Variants in MCM8 observed in about 807,000 individuals in gnomAD.
MCM8 encodes the protein minichromosome maintenance 8 homologous recombination repair factor.
In MCM8, 85 loss-of-function variants were observed where a neutral mutation model predicts 98.9. The observed-to-expected ratio is 0.86, with a 90% confidence interval of 0.72 to 1.03. The LOEUF (loss-of-function observed/expected upper bound fraction) is 1.03, where lower values mean the gene tolerates loss of function less well. MCM8 is among the 50% of genes least tolerant of loss of function. The pLI is 0.00. For synonymous variants in MCM8, 352 were observed against 338.6 expected, an observed-to-expected ratio of 1.04 and a Z score of -0.44; for missense variants, 951 against 997.8, an observed-to-expected ratio of 0.95 and a Z score of 0.63.
chr20:5,983,062 G>A lies in MCM8; in HGVS notation c.1630G>A (p.Ala544Thr). 1 of 1,614,118 alleles carries A rather than the reference G, an allele frequency of 6.2e-7. No individual in the cohort carries two copies. The highest frequency in any genetic ancestry group is 2.2e-5 in the East Asian group (1 of 44,868). Residue 544 changes from alanine (A) to threonine (T), a missense_variant, in exon 14 of 19, where the codon GCT (alanine) becomes ACT (threonine). Ala to Thr is a moderately conservative substitution (Grantham distance 58, BLOSUM62 0). Coordinates refer to ENST00000610722, the MANE Select transcript of MCM8 (RefSeq NM_032485.6). ...MEQQSISLAKAGVVCSLPART... is the reference protein window; with the variant it reads ...MEQQSISLAKTGVVCSLPART... ...GCAGCAAAGTATTAGTCTTGCTAAG[G>A]CTGGTGTGGTTTGTAGCCTTCCTGC...
chr20:5,955,396 T>C (rs1337610464), intron 5 of MCM8, 145 bp downstream of exon 5: 3 of 708,738 alleles, frequency 4.2e-6, no homozygotes, highest in Non-Finnish European at 6.8e-6. Context: ...AGATGTTGGC[T>C]AGAACTGAGA....
rs34366842 is a variant in MCM8 at position 5,996,228 on chromosome 20, T to A, written c.*1837T>A. Reference sequence around the variant, plus strand: ...GTTTGAGGTTACAGTGAGCTATGATTATACCACTGCACTCCAGCCTGGGCA... The same window carrying A: ...GTTTGAGGTTACAGTGAGCTATGATAATACCACTGCACTCCAGCCTGGGCA... On this transcript the variant is annotated 3_prime_UTR_variant, in exon 19 of 19. Coordinates refer to ENST00000610722, the MANE Select transcript of MCM8 (RefSeq NM_032485.6). 0.023 allele frequency: 3,478 copies of A among 151,598 alleles called. 52 individuals carry two copies. Among genetic ancestry groups the A allele is most frequent in the Middle Eastern group, 0.048 (14 of 292 alleles). The allele number at this position is 151,598 out of a possible 1,614,324, so 9.4% of individuals were successfully genotyped here. A position where few individuals can be genotyped will look rare whatever the true frequency, so the allele number is the denominator to read the frequency against.
Position 5,990,177 on chromosome 20 carries a change from C to T in MCM8, c.2240+2819C>T, listed in dbSNP as rs112949431. 9.0e-3 allele frequency among the ~76,000 whole-genome samples: 1,368 copies of T among 152,000 alleles called. 14 individuals carry two copies. Among genetic ancestry groups the T allele is most frequent in the African/African-American group, 0.029 (1,195 of 41,450 alleles). On this transcript the variant is annotated intron_variant, in intron 17 of 18. Coordinates refer to ENST00000610722, the MANE Select transcript of MCM8 (RefSeq NM_032485.6). ...GCAACCTCTGCCTCCTGGGTTCAAG[C>T]GATTCTCCTGCCTCAGCCTCCTGAA...
intron 16 of MCM8, 90 bp from the exon 17 acceptor site, chr20:5,987,192 G>C: frequency 7.7e-7 from 1 of 1,292,758 alleles, no homozygotes; most frequent in Admixed American, 2.1e-5. Flanking sequence ...GTCAGTTTTT[G>C]TGTAAAACAA....
At chr20:5,974,194 G>T (rs138576667) in intron 12 of MCM8, among the ~76,000 whole-genome samples, 1 of 152,090 alleles carries the variant, frequency 6.6e-6, no homozygotes, top group African/African-American at 2.4e-5. Flanking sequence ...GTACAGTGGC[G>T]CAACTTTGGC....
Position 5,967,846 on chromosome 20 carries a change from T to G in MCM8, c.1044T>G (p.Asn348Lys). ...AATTTACAGGTTCTCGAAATAAGAATGACAAGTGTATGTTCCTTTTGTATA... is the reference window on the plus strand; with the variant it reads ...AATTTACAGGTTCTCGAAATAAGAAGGACAAGTGTATGTTCCTTTTGTATA... ...SNAEEGSRNK[N>K]DKCMFLLYIE... Residue 348 changes from asparagine to lysine, a missense_variant, in exon 10 of 19, where the codon AAT (asparagine) becomes AAG (lysine). Physicochemically the swap from Asn to Lys is moderately conservative, Grantham distance 94. Coordinates refer to ENST00000610722, the MANE Select transcript of MCM8 (RefSeq NM_032485.6). 6.2e-7 allele frequency: 1 copy of G among 1,605,350 alleles called. No homozygotes were observed. The highest frequency in any genetic ancestry group is 1.1e-5 in the South Asian group (1 of 89,120).
intron 15 of MCM8, among the ~76,000 whole-genome samples, 163 bp downstream of exon 15, chr20:5,985,163 C>T (rs575991471): frequency 6.6e-6 from 1 of 152,120 alleles, no homozygotes; most frequent in African/African-American, 2.4e-5. Context: ...TAATCCAAGT[C>T]GGCCTGGCGT....
intron 7 of MCM8, among the ~76,000 whole-genome samples, chr20:5,962,135 T>C (rs990088923): frequency 6.6e-6 from 1 of 152,158 alleles, no homozygotes; most frequent in Non-Finnish European, 1.5e-5. Context: ...TGGGCTAGTT[T>C]GGGCTTCTTG....
At chr20:5,993,965 T>G in intron 18 of MCM8, 1 of 353,416 alleles carries the variant, frequency 2.8e-6, no homozygotes. Flanking sequence ...TACTTCAAAG[T>G]TCTCGTGAAA....
chr20:5,997,030 G>C lies in MCM8; in HGVS notation c.*2639G>C, dbSNP rs959354136. On this transcript the variant is annotated 3_prime_UTR_variant, in exon 19 of 19. Coordinates refer to ENST00000610722, the MANE Select transcript of MCM8 (RefSeq NM_032485.6). ...TCCTCATGTGGCCTGGTGTGGCATG[G>C]CACGCCCTCTTGGGAGATGAAAGTA... 1.3e-5 allele frequency: 2 copies of C among 152,302 alleles called. No individual in the cohort carries two copies. Among genetic ancestry groups the C allele is most frequent in the Non-Finnish European group, 2.9e-5 (2 of 68,118 alleles). The allele number at this position is 152,302 out of a possible 1,614,324, so 9.4% of individuals were successfully genotyped here. A position where few individuals can be genotyped will look rare whatever the true frequency, so the allele number is the denominator to read the frequency against.
Position 5,950,743 on chromosome 20 carries a change from T to C in MCM8, c.-286T>C. On this transcript the variant is annotated 5_prime_UTR_variant, in exon 1 of 19. Transcript: ENST00000610722. ...GAGGCATTTTTGCGGCGCTGTGCGC[T>C]ACAGACACCTTCTGGAAGCTGCGGT... 4.8e-6 allele frequency: 1 copy of C among 207,658 alleles called. No homozygotes were observed. Among genetic ancestry groups the C allele is most frequent in the Non-Finnish European group, 9.8e-6 (1 of 102,364 alleles). The allele number at this position is 207,658 out of a possible 1,614,324, so 12.9% of individuals were successfully genotyped here. A position where few individuals can be genotyped will look rare whatever the true frequency, so the allele number is the denominator to read the frequency against.
At chr20:5,994,023 A>C (rs911458336) in intron 18 of MCM8, 31 of 353,914 alleles carry the variant, frequency 8.8e-5, no homozygotes, top group Non-Finnish European at 1.4e-4. Context: ...ATTATGGAAA[A>C]TTAACTTCTT....
Position 5,995,814 on chromosome 20 carries a change from A to G in MCM8, c.*1423A>G, listed in dbSNP as rs1358001740. 6.6e-6 allele frequency: 1 copy of G among 152,238 alleles called. No individual in the cohort carries two copies. Among genetic ancestry groups the G allele is most frequent in the African/African-American group, 2.4e-5 (1 of 41,460 alleles). 9.4% of individuals were successfully genotyped at this position (152,238 alleles called of 1,614,324 possible). ...TACAAGAACTCAGGAAATGTGAACC[A>G]TTGTTGGAGAATCTACTAAAATACG... On this transcript the variant is annotated 3_prime_UTR_variant, in exon 19 of 19. Coordinates refer to ENST00000610722, the MANE Select transcript of MCM8 (RefSeq NM_032485.6).
chr20:5,967,775 CATT>C (rs11468712), intron 9 of MCM8, 52 bp from the exon 10 acceptor site: 217,215 of 1,459,210 alleles, frequency 0.15, 20,076 homozygotes, highest in African/African-American at 0.44. Flanking sequence ...CTAGTTGAGT[CATT>C]GTAGGGAAAA....
chr20:5,985,856 A>AT, intron 15 of MCM8, 66 bp from the exon 16 acceptor site: 1 of 1,555,974 alleles, frequency 6.4e-7, no homozygotes, highest in South Asian at 1.1e-5. Context: ...TAAACAAGTT[A>AT]TTTTAGCAGA....
intron 16 of MCM8, 104 bp from the exon 17 acceptor site, chr20:5,987,178 A>G: frequency 9.0e-7 from 1 of 1,115,364 alleles, no homozygotes; most frequent in Non-Finnish European, 1.3e-6. Context: ...TTCCTCGCCT[A>G]AAGGTCAGTT....
rs1247483389 is a variant in MCM8 at position 5,955,154 on chromosome 20, A to ATACC, written c.389_390insTACC (p.Glu130AspfsTer5). ...TTGGTAGATTTTAAAGAACTGACAG[A>ATACC]AGGTGGTGAAGTAACTAACTTGATA... is the stretch of plus-strand genomic sequence containing the variant. On this transcript the variant is annotated frameshift_variant, in exon 5 of 19. Coordinates refer to ENST00000610722, the MANE Select transcript of MCM8 (RefSeq NM_032485.6). LOFTEE classifies it high-confidence loss of function. The ATACC allele has an allele frequency of 6.2e-7, 1 of 1,611,154 alleles. No homozygotes were observed.
chr20:5,978,133 C>A (rs2089552500), intron 13 of MCM8, 116 bp downstream of exon 13: 1 of 1,170,990 alleles, frequency 8.5e-7, no homozygotes. Context: ...AAAGTCCTAA[C>A]CAGTAAGTTG....
chr20:5,992,240 A>T (rs2089868006), intron 17 of MCM8, among the ~76,000 whole-genome samples: 1 of 152,184 alleles, frequency 6.6e-6, no homozygotes. Context: ...CTAGTTGTGT[A>T]ACTTCTGGCA....
Sources: gnomAD v4.1 joint callset for allele counts (sites outside exome capture counted in the v4.1 genomes callset) on GRCh38, gnomAD v4.1.1 for gene constraint, MANE v1.5 for transcripts, NCBI Gene and HGNC (gene_info 2026-07-23, HGNC 2026-07-21) for gene names.